Variants in SORCS3 observed in about 807,000 individuals in gnomAD.
SORCS3 encodes VPS10 domain-containing receptor SorCS3.
SORCS3 carries 57 observed loss-of-function variants against 146.3 expected under a neutral mutation model. The ratio of observed to expected loss-of-function variants is 0.39; its 90% CI spans 0.31 to 0.49. The LOEUF is 0.49. SORCS3 is among the 20% of genes least tolerant of loss of function. SORCS3 has a pLI of 0.92. For missense variants in SORCS3, 1,341 were observed against 1,575.5 expected, an observed-to-expected ratio of 0.85 and a Z score of 2.52; for synonymous variants, 653 against 618.5, an observed-to-expected ratio of 1.06 and a Z score of -0.83.
chr10:104,811,193 A>G (rs1340428858), intron 1 of SORCS3, among the ~76,000 whole-genome samples: 1 of 152,242 alleles, frequency 6.6e-6, no homozygotes, highest in Non-Finnish European at 1.5e-5. Flanking sequence ...TTACACATTC[A>G]TTCATTTGTT....
intron 7 of SORCS3, among the ~76,000 whole-genome samples, chr10:105,128,132 C>G (rs915277691): frequency 6.6e-6 from 1 of 152,134 alleles, no homozygotes; most frequent in African/African-American, 2.4e-5. Flanking sequence ...TGTGCAAGAG[C>G]AGGCAGTGCA....
intron 20 of SORCS3, among the ~76,000 whole-genome samples, chr10:105,231,444 A>C (rs1305389783): frequency 6.6e-5 from 10 of 152,234 alleles, no homozygotes; most frequent in Non-Finnish European, 1.3e-4. Context: ...AGATGCCTAC[A>C]TAAGCAATCA....
chr10:104,975,904 A>G (rs969684600), intron 3 of SORCS3, among the ~76,000 whole-genome samples: 4 of 152,250 alleles, frequency 2.6e-5, no homozygotes, highest in African/African-American at 7.2e-5. Flanking sequence ...TTATACAAAA[A>G]TTAATTCAAG....
intron 1 of SORCS3, among the ~76,000 whole-genome samples, chr10:104,764,958 G>A (rs1325409774): frequency 2.0e-5 from 3 of 152,306 alleles, no homozygotes; most frequent in East Asian, 1.9e-4. Context: ...TGTGCCTGAA[G>A]GCATGAGTGC....
chr10:105,071,516 T>A (rs1259405111), intron 5 of SORCS3, among the ~76,000 whole-genome samples: 3 of 152,264 alleles, frequency 2.0e-5, no homozygotes, highest in Non-Finnish European at 4.4e-5. Flanking sequence ...CTCTCGTTTG[T>A]TAAATTTTTT....
At chr10:104,678,902 C>G (rs1477979554) in intron 1 of SORCS3, among the ~76,000 whole-genome samples, 8 of 152,134 alleles carry the variant, frequency 5.3e-5, no homozygotes. Context: ...GAAAGCAGGA[C>G]AGGGAAGGAT....
At chr10:104,975,881 C>T (rs2054893980) in intron 3 of SORCS3, among the ~76,000 whole-genome samples, 1 of 152,182 alleles carries the variant, frequency 6.6e-6, no homozygotes, top group Non-Finnish European at 1.5e-5. Context: ...AAACTGGATA[C>T]CTTCCTTACA....
intron 20 of SORCS3, among the ~76,000 whole-genome samples, chr10:105,228,780 G>C (rs542428732): frequency 1.6e-3 from 246 of 152,132 alleles, no homozygotes; most frequent in African/African-American, 5.7e-3. Flanking sequence ...TTTGAATTCT[G>C]TATTTGTCTT....
chr10:104,929,882 G>T (rs1333612396), intron 3 of SORCS3, among the ~76,000 whole-genome samples: 1 of 152,172 alleles, frequency 6.6e-6, no homozygotes, highest in Non-Finnish European at 1.5e-5. Flanking sequence ...CAGTTACACA[G>T]ACACCAGAAT....
At chr10:105,150,668 G>C (rs1244406181) in intron 9 of SORCS3, among the ~76,000 whole-genome samples, 1 of 152,136 alleles carries the variant, frequency 6.6e-6, no homozygotes, top group African/African-American at 2.4e-5. Context: ...ATAAATAGCT[G>C]AATTTCAGAT....
At chr10:104,847,464 A>T (rs3976794) in intron 2 of SORCS3, among the ~76,000 whole-genome samples, 3 of 151,926 alleles carry the variant, frequency 2.0e-5, no homozygotes, top group Non-Finnish European at 4.4e-5. Context: ...CTGCCTGTCC[A>T]TCCTAAGCAT....
chr10:104,867,396 G>A (rs1337448131), intron 2 of SORCS3, among the ~76,000 whole-genome samples: 1 of 150,288 alleles, frequency 6.7e-6, no homozygotes, highest in Non-Finnish European at 1.5e-5. Context: ...TGCAAGCTCC[G>A]CCTCCTGGGT....
Position 104,696,334 on chromosome 10 carries a change from T to TAA in SORCS3, c.627+54380_627+54381insAA, listed in dbSNP as rs1564661134. Among the ~76,000 whole-genome samples, 178 of 52,404 alleles carry TAA rather than the reference T, an allele frequency of 3.4e-3. 33 individuals carry two copies. The highest frequency in any genetic ancestry group is 0.036 in the Middle Eastern group (1 of 28). The allele number at this position is 52,404 out of a possible 152,430, so 34.4% of individuals were successfully genotyped here. ...ATATGATATATATCATATACACATA[T>TAA]GATATATGATATATATCATATATAT... On this transcript the variant is annotated intron_variant, in intron 1 of 26. Transcript: ENST00000369701.
intron 4 of SORCS3, among the ~76,000 whole-genome samples, chr10:105,027,550 C>G (rs1362133110): frequency 3.3e-5 from 5 of 152,068 alleles, no homozygotes. Context: ...TATTTGTAAG[C>G]CTAAAATCTA....
chr10:104,642,022 G>GGGGTGGGGGGGGGGGGGGGGGGCCCCCC, intron 1 of SORCS3, 68 bp downstream of exon 1: 1 of 173,336 alleles, frequency 5.8e-6, no homozygotes, highest in Non-Finnish European at 1.1e-5. Flanking sequence ...GGGTGGGTGG[G>GGGGTGGGGGGGGGGGGGGGGGGCCCCCC]AGCGAGGGAC....
intron 1 of SORCS3, among the ~76,000 whole-genome samples, chr10:104,811,101 A>G (rs2017735718): frequency 6.6e-6 from 1 of 152,256 alleles, no homozygotes; most frequent in South Asian, 2.1e-4. Context: ...ATTATAACAC[A>G]AAACAACATA....
intron 2 of SORCS3, among the ~76,000 whole-genome samples, chr10:104,911,201 A>G (rs913665634): frequency 5.9e-5 from 9 of 152,250 alleles, no homozygotes; most frequent in Non-Finnish European, 8.8e-5. Context: ...TGCTGTGGTC[A>G]GGGCAGTGTG....
At chr10:105,230,371 G>T (rs1380844319) in intron 20 of SORCS3, among the ~76,000 whole-genome samples, 1 of 152,108 alleles carries the variant, frequency 6.6e-6, no homozygotes, top group Admixed American at 6.6e-5. Context: ...ACTGGAGAGG[G>T]CAGGGGTGCT....
At chr10:104,901,516 A>AG (rs2018850908) in intron 2 of SORCS3, among the ~76,000 whole-genome samples, 3 of 152,192 alleles carry the variant, frequency 2.0e-5, no homozygotes, top group Admixed American at 6.5e-5. Context: ...GAGACTTAGT[A>AG]GGGTCCTTGT....
Sources: gnomAD v4.1 joint callset for allele counts (sites outside exome capture counted in the v4.1 genomes callset) on GRCh38, gnomAD v4.1.1 for gene constraint, MANE v1.5 for transcripts, NCBI Gene and HGNC (gene_info 2026-07-23, HGNC 2026-07-21) for gene names.